Variants in FCF1 observed in about 807,000 individuals in gnomAD.
FCF1 encodes the protein rRNA-processing protein FCF1 homolog.
A neutral mutation model predicts 32.5 loss-of-function variants in FCF1; 17 were observed. That is an observed-to-expected ratio of 0.52 (90% CI 0.36 to 0.78). The LOEUF (loss-of-function observed/expected upper bound fraction) is 0.78, where lower values mean the gene tolerates loss of function less well. Ranked by LOEUF, FCF1 falls within the 30% of genes least tolerant of loss-of-function variation. The pLI is 0.00. For synonymous variants in FCF1, 84 were observed against 78.4 expected, an observed-to-expected ratio of 1.07 and a Z score of -0.38; for missense variants, 201 against 241.1, an observed-to-expected ratio of 0.83 and a Z score of 1.10.
At chr14:74,722,791 T>A (rs1409425330) in intron 4 of FCF1, among the ~76,000 whole-genome samples, 5 of 151,746 alleles carry the variant, frequency 3.3e-5, no homozygotes, top group African/African-American at 9.7e-5. Flanking sequence ...TGTTTTTTTT[T>A]AATTAGCTGG....
Position 74,734,475 on chromosome 14 carries a change from A to T in FCF1, c.548+305A>T, listed in dbSNP as rs936264881. 2.6e-5 allele frequency among the ~76,000 whole-genome samples: 4 copies of T among 151,222 alleles called. No individual in the cohort carries two copies. The East Asian group carries it at 7.7e-4, about 29-fold the overall frequency. On this transcript the variant is annotated intron_variant, in intron 7 of 7. Coordinates refer to ENST00000341162, the MANE Select transcript of FCF1 (RefSeq NM_015962.5). ...TGGCCAGAAATACCTGTTTTGAAAG[A>T]TTTTTTTTTATTAACACTTCATCTG... is the stretch of plus-strand genomic sequence containing the variant.
intron 2 of FCF1, 43 bp from the exon 3 acceptor site, chr14:74,714,829 G>A (rs1433453213): frequency 2.6e-6 from 4 of 1,513,586 alleles, no homozygotes; most frequent in African/African-American, 1.4e-5. Flanking sequence ...AATTGCTGTG[G>A]TTTTTCTTCT....
chr14:74,714,972 T>C (rs959601126), intron 3 of FCF1, 29 bp downstream of exon 3: 2 of 1,565,058 alleles, frequency 1.3e-6, no homozygotes, highest in Non-Finnish European at 1.7e-6. Flanking sequence ...GAAGTTTTCC[T>C]TTAAAACCAT....
At chr14:74,732,489 C>T (rs2090652006) in intron 5 of FCF1, among the ~76,000 whole-genome samples, 1 of 152,138 alleles carries the variant, frequency 6.6e-6, no homozygotes, top group Non-Finnish European at 1.5e-5. Context: ...TCTAAGCCTA[C>T]TTCCTCATCT....
chr14:74,716,148 T>C, intron 4 of FCF1, 49 bp downstream of exon 4: 1 of 1,555,810 alleles, frequency 6.4e-7, no homozygotes, highest in Non-Finnish European at 8.9e-7. Context: ...AGAATAATTA[T>C]ATTTATACAA....
At position 74,734,182 on chromosome 14, in the gene FCF1, C is replaced by T; in HGVS notation, c.548+12C>T. The stretch of plus-strand genomic sequence containing the variant: ...ATTTCTAACCATAGGTGAGAAATTT[C>T]CCTTGGAGAAGGGAATAGAAATATA... On this transcript the variant is annotated intron_variant, in intron 7 of 7. Transcript: ENST00000341162. 1.3e-6 allele frequency: 2 copies of T among 1,510,260 alleles called. No individual in the cohort carries two copies. Among genetic ancestry groups the T allele is most frequent in the African/African-American group, 1.4e-5 (1 of 72,820 alleles). The allele number at this position is 1,510,260 out of a possible 1,614,324, so 93.6% of individuals were successfully genotyped here.
chr14:74,714,111 TG>T (rs2140015320), intron 2 of FCF1, among the ~76,000 whole-genome samples: 1 of 152,320 alleles, frequency 6.6e-6, no homozygotes, highest in Admixed American at 6.5e-5. Flanking sequence ...CCTGCTTAAG[TG>T]TAGAATAAGC....
At chr14:74,723,223 T>G in intron 4 of FCF1, 49 bp from the exon 5 acceptor site, 1 of 1,349,600 alleles carries the variant, frequency 7.4e-7, no homozygotes, top group Non-Finnish European at 1.1e-6. Flanking sequence ...AATTCAGAGA[T>G]AATTTCGTTA....
chr14:74,716,319 T>C (rs527802684), intron 4 of FCF1, among the ~76,000 whole-genome samples: 9 of 152,340 alleles, frequency 5.9e-5, no homozygotes, highest in Admixed American at 3.3e-4. Flanking sequence ...CTTAGAATGC[T>C]TCGAGTATCA....
chr14:74,719,266 G>A (rs1359578057), intron 4 of FCF1, among the ~76,000 whole-genome samples: 1 of 149,420 alleles, frequency 6.7e-6, no homozygotes, highest in African/African-American at 2.5e-5. Flanking sequence ...CTACACTCCA[G>A]CCCAGGCAAC....
At chr14:74,720,214 A>G (rs2090481989) in intron 4 of FCF1, among the ~76,000 whole-genome samples, 1 of 152,226 alleles carries the variant, frequency 6.6e-6, no homozygotes, top group Admixed American at 6.5e-5. Context: ...CTTTACAACT[A>G]TACAATTCAT....
chr14:74,734,173 G>C lies in FCF1; in HGVS notation c.548+3G>C, dbSNP rs769652819. ...ATCATGTACATTTCTAACCATAGGT[G>C]AGAAATTTCCCTTGGAGAAGGGAAT... On this transcript the variant is annotated splice_donor_region_variant and intron_variant, in intron 7 of 7. Transcript: ENST00000341162. 8 of 1,572,932 alleles carry C rather than the reference G, an allele frequency of 5.1e-6. No individual in the cohort carries two copies. The highest frequency in any genetic ancestry group is 1.7e-4 in the Middle Eastern group (1 of 5,824).
intron 5 of FCF1, among the ~76,000 whole-genome samples, chr14:74,728,400 CTGTT>C (rs1293329582): frequency 4.6e-5 from 7 of 152,060 alleles, no homozygotes; most frequent in Non-Finnish European, 8.8e-5. Flanking sequence ...ATTTGGCTCT[CTGTT>C]TGTCTGTTGT....
In FCF1 at chr14:74,725,359, A is replaced by G. The variant is rs2090562162; in HGVS notation, c.365+2015A>G. Among the ~76,000 whole-genome samples the G allele has an allele frequency of 1.3e-5, 2 of 151,512 alleles. 1 individual carries two copies. The highest frequency in any genetic ancestry group is 4.2e-4 in the South Asian group (2 of 4,792). On this transcript the variant is annotated intron_variant, in intron 5 of 7. Transcript: ENST00000341162. ...GCCAGGCATGGTGGCGGGTGCCCATATTCCCAGCTACTCTGGAGGCTGAGG... is the reference window on the plus strand; with the variant it reads ...GCCAGGCATGGTGGCGGGTGCCCATGTTCCCAGCTACTCTGGAGGCTGAGG...
intron 5 of FCF1, among the ~76,000 whole-genome samples, chr14:74,724,064 A>G (rs2090543860): frequency 6.6e-6 from 1 of 152,196 alleles, no homozygotes; most frequent in Non-Finnish European, 1.5e-5. Context: ...TGACAATGCC[A>G]AGAATAGTTA....
chr14:74,728,813 C>T (rs896565989), intron 5 of FCF1, among the ~76,000 whole-genome samples: 7 of 152,194 alleles, frequency 4.6e-5, no homozygotes, highest in South Asian at 2.1e-4. Flanking sequence ...TAGCATGAAG[C>T]GATGTTGACT....
chr14:74,727,563 T>G (rs1441895553), intron 5 of FCF1, among the ~76,000 whole-genome samples: 3 of 151,350 alleles, frequency 2.0e-5, no homozygotes, highest in Non-Finnish European at 4.4e-5. Flanking sequence ...AGGTTGCCTG[T>G]TCACTCTGAT....
chr14:74,716,651 A>G (rs946519011), intron 4 of FCF1, among the ~76,000 whole-genome samples: 1 of 152,168 alleles, frequency 6.6e-6, no homozygotes, highest in Non-Finnish European at 1.5e-5. Context: ...GTGTATTTGT[A>G]TATCCCCTCC....
intron 6 of FCF1, 87 bp downstream of exon 6, chr14:74,732,905 A>G (rs2090657416): frequency 2.7e-5 from 21 of 770,570 alleles, no homozygotes; most frequent in Non-Finnish European, 4.3e-6. Context: ...TCAGTAAAAC[A>G]TCTAGGAATA....
Sources: allele counts gnomAD v4.1 joint callset (sites outside exome capture counted in the v4.1 genomes callset), GRCh38; gene constraint gnomAD v4.1.1; transcripts MANE v1.5; gene names NCBI Gene and HGNC (gene_info 2026-07-23, HGNC 2026-07-21).